The following ATG16L1 variants were observed in gnomAD, a reference collection of about 807,000 sequenced individuals.
ATG16L1 encodes the protein autophagy-related protein 16-1.
In ATG16L1, 37 loss-of-function variants were observed where a neutral mutation model predicts 88.5. That is an observed-to-expected ratio of 0.42 (90% CI 0.32 to 0.55). The LOEUF (loss-of-function observed/expected upper bound fraction) is 0.55. Among genes scored for constraint, ATG16L1 ranks in the 20% least tolerant of loss-of-function variants. The pLI, the probability that ATG16L1 is intolerant of heterozygous loss-of-function variation, is 0.13. For missense variants in ATG16L1, 554 were observed against 752.8 expected (o/e 0.74, Z 3.09); for synonymous variants, 301 against 281.0 (o/e 1.07, Z -0.71).
chr2:233,279,756 C>T (rs535984846), intron 10 of ATG16L1, among the ~76,000 whole-genome samples: 9 of 152,178 alleles, frequency 5.9e-5, no homozygotes, highest in South Asian at 4.1e-4. Flanking sequence ...TAGCACCCCC[C>T]GCCCCCAACC....
intron 1 of ATG16L1, among the ~76,000 whole-genome samples, chr2:233,254,038 G>A (rs1486346303): frequency 6.6e-6 from 1 of 152,162 alleles, no homozygotes; most frequent in Admixed American, 6.5e-5. Context: ...AGCTTGCCCT[G>A]CCCACTTCAT....
chr2:233,292,012 T>C lies in ATG16L1; in HGVS notation c.1431-116T>C, dbSNP rs1699496115. ...ATTAGAAGACTGGGAACACATTGAC[T>C]GCGCTGGCAGAGCGTTGCATGCTAG... is the stretch of plus-strand genomic sequence containing the variant. On this transcript the variant is annotated intron_variant, in intron 14 of 17. Coordinates refer to ENST00000392017, the MANE Select transcript of ATG16L1 (RefSeq NM_030803.7). 5 of 1,228,648 alleles carry C rather than the reference T, an allele frequency of 4.1e-6. No individual in the cohort carries two copies. In the Admixed American group the frequency reaches 1.1e-4, roughly 27 times the overall value. The allele number at this position is 1,228,648 out of a possible 1,614,324, so 76.1% of individuals were successfully genotyped here. A position where few individuals can be genotyped will look rare whatever the true frequency, so the allele number is the denominator to read the frequency against.
In ATG16L1 at chr2:233,292,288, A is replaced by C. The variant is rs1459549496; in HGVS notation, c.1580+11A>C. ...CAAGCAGACATTCAGGTAACTGAAG[A>C]TGTGCTGGTTGCATGAAGACCAGAG... On this transcript the variant is annotated intron_variant, in intron 15 of 17. Coordinates refer to ENST00000392017, the MANE Select transcript of ATG16L1 (RefSeq NM_030803.7). 2 of 1,614,092 alleles carry C rather than the reference A, an allele frequency of 1.2e-6. No individual in the cohort carries two copies. Among genetic ancestry groups the C allele is most frequent in the African/African-American group, 2.7e-5 (2 of 74,926 alleles).
At chr2:233,270,894 A>G (rs1455124978) in intron 6 of ATG16L1, among the ~76,000 whole-genome samples, 3 of 152,174 alleles carry the variant, frequency 2.0e-5, no homozygotes, top group East Asian at 1.9e-4. Flanking sequence ...TTGATCCACT[A>G]TTTTTTAAAA....
chr2:233,255,981 A>T, intron 1 of ATG16L1, 121 bp from the exon 2 acceptor site: 1 of 724,458 alleles, frequency 1.4e-6, no homozygotes, highest in South Asian at 1.9e-5. Flanking sequence ...TCTGTAGGTT[A>T]CTGTGGCTGA....
At chr2:233,270,129 GTTTTTA>G in intron 6 of ATG16L1, 62 bp downstream of exon 6, 1 of 1,465,496 alleles carries the variant, frequency 6.8e-7, no homozygotes, top group Non-Finnish European at 9.1e-7. Flanking sequence ...TAAAAGTTTT[GTTTTTA>G]TTTTTTTTTT....
intron 9 of ATG16L1, chr2:233,277,353 G>C: frequency 2.2e-6 from 1 of 457,720 alleles, no homozygotes; most frequent in Non-Finnish European, 4.0e-6. Flanking sequence ...TTTTTGAGAA[G>C]GTTGCACTGC....
Position 233,278,209 on chromosome 2 carries a change from T to G in ATG16L1, c.1060+536T>G, listed in dbSNP as rs1231596992. 1.3e-5 allele frequency among the ~76,000 whole-genome samples: 2 copies of G among 152,160 alleles called. 1 individual carries two copies. The highest frequency in any genetic ancestry group is 3.8e-4 in the East Asian group (2 of 5,202). ...CGAGGGCCCTTAGATCAAGACTCAG[T>G]CTCTTTGGACTTTTAGGATGCTCAG... On this transcript the variant is annotated intron_variant, in intron 10 of 17. Coordinates refer to ENST00000392017, the MANE Select transcript of ATG16L1 (RefSeq NM_030803.7).
At chr2:233,274,147 G>A (rs1361857657) in intron 8 of ATG16L1, 3 of 1,235,956 alleles carry the variant, frequency 2.4e-6, no homozygotes, top group East Asian at 2.5e-5. Flanking sequence ...ACGTGCTAAC[G>A]AGGATGCTTT....
intron 1 of ATG16L1, among the ~76,000 whole-genome samples, chr2:233,254,518 A>G (rs904147383): frequency 6.6e-6 from 1 of 152,214 alleles, no homozygotes; most frequent in African/African-American, 2.4e-5. Context: ...GGTGGAAAGA[A>G]GCCGTAGGGG....
At chr2:233,292,049 T>C in intron 14 of ATG16L1, 79 bp from the exon 15 acceptor site, 2 of 1,533,914 alleles carry the variant, frequency 1.3e-6, no homozygotes, top group Non-Finnish European at 1.8e-6. Context: ...TGAATTGCAG[T>C]GCCTTTTTTT....
chr2:233,268,486 A>G (rs975403332), intron 5 of ATG16L1, among the ~76,000 whole-genome samples: 2 of 152,192 alleles, frequency 1.3e-5, no homozygotes, highest in Admixed American at 6.5e-5. Flanking sequence ...CCTTTCAGCT[A>G]TAGTGATGAA....
At chr2:233,279,662 C>T (rs1489882408) in intron 10 of ATG16L1, among the ~76,000 whole-genome samples, 2 of 152,196 alleles carry the variant, frequency 1.3e-5, no homozygotes, top group Non-Finnish European at 2.9e-5. Context: ...AAGAATCACA[C>T]TTTCTACCCA....
Position 233,270,043 on chromosome 2 carries a change from C to A in ATG16L1, c.683C>A (p.Ala228Glu). 1 of 1,585,134 alleles carries A rather than the reference C, an allele frequency of 6.3e-7. No individual in the cohort carries two copies. Reference sequence around the variant, plus strand: ...CTGCAGAAAGAGCTTGCAGAAGCAGCAAAGGAACCTCTACCAGTCGAACAG... The same window carrying A: ...CTGCAGAAAGAGCTTGCAGAAGCAGAAAAGGAACCTCTACCAGTCGAACAG... The part of the protein sequence containing the change: ...ARLQKELAEA[A>E]KEPLPVEQDD... The change falls in exon 6 of 18, where the codon GCA (alanine) becomes GAA (glutamate). Residue 228 changes from alanine to glutamate, a missense_variant. Physicochemically the swap from Ala to Glu is moderately radical, Grantham distance 107 (BLOSUM62 -1). Around this residue, in one of 5 missense-constraint regions of ATG16L1, gnomAD observed 370 missense variants for 509.7 expected, o/e 0.73. Coordinates refer to ENST00000392017, the MANE Select transcript of ATG16L1 (RefSeq NM_030803.7).
At position 233,264,906 on chromosome 2, in the gene ATG16L1, T is replaced by G. The variant is rs146373997; in HGVS notation, c.404T>G (p.Leu135Trp). 6.2e-7 allele frequency: 1 copy of G among 1,613,834 alleles called. No homozygotes were observed. The highest frequency in any genetic ancestry group is 1.3e-5 in the African/African-American group (1 of 74,926). ...CATGCTTCCAGAATTGCAGAATGTT[T>G]GCAGACTATCTCTGACCTGGAGACG... Reference protein sequence around the residue: ...QMNEAKIAECLQTISDLETEC... With the variant: ...QMNEAKIAECWQTISDLETEC... Residue 135 changes from leucine to tryptophan, a missense_variant, in exon 5 of 18, where the codon TTG becomes TGG. Coordinates refer to ENST00000392017, the MANE Select transcript of ATG16L1 (RefSeq NM_030803.7).
At chr2:233,292,340 G>A in intron 15 of ATG16L1, 47 bp from the exon 16 acceptor site, 4 of 1,614,204 alleles carry the variant, frequency 2.5e-6, no homozygotes, top group African/African-American at 1.3e-5. Context: ...TTAACGTGCT[G>A]CGTGGCCTGA....
chr2:233,284,145 A>G (rs1307090144), intron 12 of ATG16L1, among the ~76,000 whole-genome samples: 1 of 106,400 alleles, frequency 9.4e-6, no homozygotes, highest in Non-Finnish European at 1.9e-5. Flanking sequence ...TGCCCAGCCT[A>G]AATTTCTTTT....
chr2:233,282,559 G>C, intron 11 of ATG16L1, 123 bp from the exon 12 acceptor site: 1 of 820,572 alleles, frequency 1.2e-6, no homozygotes, highest in East Asian at 2.5e-5. Flanking sequence ...TGGTATTCAG[G>C]CTGGTTGTAT....
At chr2:233,273,555 C>A in intron 7 of ATG16L1, 166 bp from the exon 8 acceptor site, 1 of 600,030 alleles carries the variant, frequency 1.7e-6, no homozygotes, top group South Asian at 2.3e-5. Context: ...CTTTCCCTTC[C>A]CACTGTTTTC....
Sources: allele counts gnomAD v4.1 joint callset (sites outside exome capture counted in the v4.1 genomes callset), GRCh38; gene constraint gnomAD v4.1.1; regional missense constraint gnomAD v4.1.1; transcripts MANE v1.5; gene names NCBI Gene and HGNC (gene_info 2026-07-23, HGNC 2026-07-21).